Variants in SDK1 observed in about 807,000 individuals in gnomAD.
SDK1 encodes the protein sidekick cell adhesion molecule 1, also known as protein sidekick-1.
In SDK1, 157 loss-of-function variants were observed where a neutral mutation model predicts 245.5. That is an observed-to-expected ratio of 0.64 (90% CI 0.56 to 0.73). SDK1 has a LOEUF of 0.73. SDK1 is among the 30% of genes least tolerant of loss of function. The probability of loss-of-function intolerance (pLI) is 0.00; values close to 1 mark genes in which losing one functional copy is unlikely to be tolerated. For missense variants in SDK1, 3,583 were observed against 3,002.3 expected (o/e 1.19, Z -4.52); for synonymous variants, 1,647 against 1,278.5 (o/e 1.29, Z -6.15).
intron 14 of SDK1, among the ~76,000 whole-genome samples, chr7:4,002,000 C>T (rs1785112029): frequency 6.6e-6 from 1 of 152,246 alleles, no homozygotes; most frequent in Non-Finnish European, 1.5e-5. Context: ...CAGTCCCCTG[C>T]AGGAGTACAG....
intron 1 of SDK1, among the ~76,000 whole-genome samples, chr7:3,454,085 C>T (rs946245248): frequency 6.6e-6 from 1 of 152,034 alleles, no homozygotes; most frequent in Non-Finnish European, 1.5e-5. Context: ...TAACTTATTT[C>T]CTATTCACAG....
At chr7:3,687,769 A>G (rs1784332765) in intron 4 of SDK1, among the ~76,000 whole-genome samples, 1 of 152,144 alleles carries the variant, frequency 6.6e-6, no homozygotes, top group Admixed American at 6.5e-5. Flanking sequence ...GTAACACAAG[A>G]GGTCCTTGCG....
intron 1 of SDK1, among the ~76,000 whole-genome samples, chr7:3,541,690 A>G (rs534152549): frequency 2.0e-5 from 3 of 152,290 alleles, no homozygotes; most frequent in Non-Finnish European, 4.4e-5. Context: ...TAATTTCTGC[A>G]TCTAGGCATG....
chr7:3,945,070 T>C (rs940076934), intron 5 of SDK1, among the ~76,000 whole-genome samples: 1 of 152,226 alleles, frequency 6.6e-6, no homozygotes, highest in Non-Finnish European at 1.5e-5. Context: ...GCTGAGATTG[T>C]GCCACTGCAC....
At chr7:3,835,146 T>A (rs945809610) in intron 5 of SDK1, among the ~76,000 whole-genome samples, 1 of 152,192 alleles carries the variant, frequency 6.6e-6, no homozygotes, top group Non-Finnish European at 1.5e-5. Flanking sequence ...CAATCTTTGG[T>A]AAGTATAAAG....
At chr7:3,941,731 T>G (rs765627249) in intron 5 of SDK1, among the ~76,000 whole-genome samples, 1 of 152,114 alleles carries the variant, frequency 6.6e-6, no homozygotes, top group Non-Finnish European at 1.5e-5. Flanking sequence ...GCTGCCATCC[T>G]CCACCAAACT....
chr7:3,987,735 C>T (rs1783980095), intron 14 of SDK1, among the ~76,000 whole-genome samples: 1 of 151,798 alleles, frequency 6.6e-6, no homozygotes, highest in Non-Finnish European at 1.5e-5. Flanking sequence ...GTGTTCAGCA[C>T]CCTCTTCCTG....
At chr7:3,760,649 C>A (rs1030741400) in intron 4 of SDK1, among the ~76,000 whole-genome samples, 1 of 152,112 alleles carries the variant, frequency 6.6e-6, no homozygotes, top group African/African-American at 2.4e-5. Context: ...TTTTAGACTT[C>A]AGGGATTTTG....
intron 1 of SDK1, among the ~76,000 whole-genome samples, chr7:3,493,972 G>T (rs1490394718): frequency 6.6e-6 from 1 of 152,218 alleles, no homozygotes; most frequent in Non-Finnish European, 1.5e-5. Context: ...ACAGGCAGAA[G>T]AATATGTTCC....
intron 1 of SDK1, among the ~76,000 whole-genome samples, chr7:3,560,669 C>T (rs575659885): frequency 1.3e-5 from 2 of 152,242 alleles, no homozygotes; most frequent in South Asian, 2.1e-4. Flanking sequence ...AGGTGGCACC[C>T]TTCTCAGCAC....
intron 1 of SDK1, among the ~76,000 whole-genome samples, chr7:3,511,768 T>G (rs6462127): frequency 0.29 from 43,756 of 151,040 alleles, 6,684 homozygotes; most frequent in African/African-American, 0.35. Flanking sequence ...ATTTTACCAT[T>G]CTTAGGCAGC....
chr7:3,799,704 C>CAA (rs34448201), intron 4 of SDK1, among the ~76,000 whole-genome samples: 1,411 of 108,754 alleles, frequency 0.013, 23 homozygotes, highest in African/African-American at 0.024. Flanking sequence ...GACTCCATCT[C>CAA]AAAAAAAAAA....
chr7:3,961,004 A>ATT (rs1781635659), intron 8 of SDK1, among the ~76,000 whole-genome samples: 1 of 152,218 alleles, frequency 6.6e-6, no homozygotes. Flanking sequence ...ACTAACAATT[A>ATT]TTTTTCAACA....
Position 3,678,030 on chromosome 7 carries a change from A to G in SDK1, c.713+35925A>G, listed in dbSNP as rs2114979794. Among the ~76,000 whole-genome samples the G allele has an allele frequency of 2.0e-5, 3 of 152,342 alleles. No homozygotes were observed. In the South Asian group the frequency reaches 6.2e-4, roughly 32 times the overall value. On this transcript the variant is annotated intron_variant, in intron 4 of 44. Coordinates refer to ENST00000404826, the MANE Select transcript of SDK1 (RefSeq NM_152744.4). ...GAGATGTTCAGTGTCATTAGTCATT[A>G]GTGGTCAAACCACAGCAGGTCATGA...
intron 41 of SDK1, 127 bp from the exon 42 acceptor site, chr7:4,237,520 G>A: frequency 9.6e-7 from 1 of 1,037,244 alleles, no homozygotes; most frequent in Non-Finnish European, 1.5e-6. Context: ...GCTGGACATT[G>A]GTTTCATCTC....
intron 11 of SDK1, among the ~76,000 whole-genome samples, chr7:3,969,654 C>T (rs571789673): frequency 3.9e-5 from 6 of 152,170 alleles, no homozygotes; most frequent in East Asian, 1.9e-4. Flanking sequence ...GCAGGAGAGA[C>T]GAAAGATTGA....
intron 4 of SDK1, among the ~76,000 whole-genome samples, chr7:3,699,635 G>T (rs1353836702): frequency 6.6e-6 from 1 of 152,106 alleles, no homozygotes; most frequent in Non-Finnish European, 1.5e-5. Flanking sequence ...GAGCCTCAGA[G>T]ATTTCTGGGA....
At chr7:4,188,045 A>G (rs576429217) in intron 35 of SDK1, among the ~76,000 whole-genome samples, 1 of 152,308 alleles carries the variant, frequency 6.6e-6, no homozygotes, top group South Asian at 2.1e-4. Context: ...AGACGTATTC[A>G]CTACCATGAG....
intron 1 of SDK1, among the ~76,000 whole-genome samples, chr7:3,552,269 C>G (rs1331274585): frequency 6.6e-6 from 1 of 152,142 alleles, no homozygotes; most frequent in African/African-American, 2.4e-5. Context: ...GATCGATCTC[C>G]TGACCTTGTG....
Sources: gnomAD v4.1 joint callset for allele counts (sites outside exome capture counted in the v4.1 genomes callset) on GRCh38, gnomAD v4.1.1 for gene constraint, MANE v1.5 for transcripts, NCBI Gene and HGNC (gene_info 2026-07-23, HGNC 2026-07-21) for gene names.